Variants in ATP6V1H observed in about 807,000 individuals in gnomAD.
The protein encoded by ATP6V1H is ATPase H+ transporting V1 subunit H.
In ATP6V1H, 39 loss-of-function variants were observed where a neutral mutation model predicts 71.7. The ratio of observed to expected loss-of-function variants is 0.54; its 90% confidence interval spans 0.42 to 0.71. The LOEUF is 0.71. Ranked by LOEUF, ATP6V1H falls within the 30% of genes least tolerant of loss-of-function variation. The pLI, the probability that ATP6V1H is intolerant of heterozygous loss-of-function variation, is 0.00. For missense variants in ATP6V1H, 509 were observed against 594.9 expected, an observed-to-expected ratio of 0.86 and a Z score of 1.50; for synonymous variants, 192 against 199.3, an observed-to-expected ratio of 0.96 and a Z score of 0.31.
At chr8:53,748,352 T>C (rs1807680162) in intron 12 of ATP6V1H, among the ~76,000 whole-genome samples, 1 of 152,204 alleles carries the variant, frequency 6.6e-6, no homozygotes, top group Non-Finnish European at 1.5e-5. Flanking sequence ...TATTCCTATA[T>C]ACTGCCAGGG....
rs1300571658 is a variant in ATP6V1H at position 53,831,168 on chromosome 8, A to C, written c.217-1635T>G. Among the ~76,000 whole-genome samples the C allele has an allele frequency of 4.6e-5, 7 of 152,222 alleles. No homozygotes were observed. In the East Asian group the frequency reaches 1.3e-3, roughly 29 times the overall value. Reference sequence around the variant, plus strand: ...ACATACAGCCATGTGTCACTTAACAATGGGGAAAGTTCTGAGAAATTCATC... The same window carrying C: ...ACATACAGCCATGTGTCACTTAACACTGGGGAAAGTTCTGAGAAATTCATC... On this transcript the variant is annotated intron_variant, in intron 3 of 13. Coordinates refer to ENST00000359530, the MANE Select transcript of ATP6V1H (RefSeq NM_015941.4).
intron 9 of ATP6V1H, among the ~76,000 whole-genome samples, chr8:53,773,584 A>T (rs1251027985): frequency 1.3e-5 from 2 of 152,192 alleles, no homozygotes; most frequent in African/African-American, 4.8e-5. Context: ...AAAAGCCAAA[A>T]ATAGTCTTTC....
Position 53,819,547 on chromosome 8 carries a change from CATATATATATATAT to C in ATP6V1H, c.307-2031_307-2018del, listed in dbSNP as rs34645455. On this transcript the variant is annotated intron_variant, in intron 4 of 13. Transcript: ENST00000359530. Reference sequence around the variant, plus strand: ...AATCTATCTCAAAAAAAAAAAAAAGCATATATATATATATATATATATATATATATATATATATA... The same window carrying C: ...AATCTATCTCAAAAAAAAAAAAAAGCATATATATATATATATATATATATA... Among the ~76,000 whole-genome samples, 162 of 35,132 alleles carry C rather than the reference CATATATATATATAT, an allele frequency of 4.6e-3. 3 individuals are homozygous for C. Among genetic ancestry groups the C allele is most frequent in the South Asian group, 0.022 (14 of 628 alleles). The allele number at this position is 35,132 out of a possible 152,430, so 23.0% of individuals were successfully genotyped here. A position where few individuals can be genotyped will look rare whatever the true frequency, so the allele number is the denominator to read the frequency against.
intron 13 of ATP6V1H, among the ~76,000 whole-genome samples, chr8:53,738,727 A>T (rs1212938026): frequency 1.3e-5 from 2 of 152,212 alleles, no homozygotes; most frequent in Non-Finnish European, 2.9e-5. Context: ...TTAGGCTGAT[A>T]CTTTGCAACA....
chr8:53,725,382 A>G (rs756076777), intron 13 of ATP6V1H, among the ~76,000 whole-genome samples: 20 of 152,092 alleles, frequency 1.3e-4, no homozygotes, highest in Non-Finnish European at 2.6e-4. Context: ...CTCAAACTCC[A>G]TAACTGTAAG....
At chr8:53,781,227 G>A (rs1431749418) in intron 9 of ATP6V1H, among the ~76,000 whole-genome samples, 6 of 152,022 alleles carry the variant, frequency 3.9e-5, no homozygotes, top group Non-Finnish European at 8.8e-5. Context: ...TTTAATAATC[G>A]CCATTCTAAC....
intron 4 of ATP6V1H, among the ~76,000 whole-genome samples, chr8:53,819,547 C>T (rs1475385926): frequency 8.5e-5 from 3 of 35,132 alleles, no homozygotes; most frequent in Admixed American, 4.9e-4. Context: ...AAAAAAAAAG[C>T]ATATATATAT....
At chr8:53,795,905 TTC>T in intron 8 of ATP6V1H, 66 bp from the exon 9 acceptor site, 2 of 1,445,776 alleles carry the variant, frequency 1.4e-6, no homozygotes, top group Non-Finnish European at 1.9e-6. Context: ...TAAGCAATTA[TTC>T]TCTTTTTGCA....
chr8:53,787,106 C>T (rs1809412244), intron 9 of ATP6V1H, among the ~76,000 whole-genome samples: 1 of 152,192 alleles, frequency 6.6e-6, no homozygotes, highest in Admixed American at 6.5e-5. Context: ...TTATCCATTG[C>T]AGGTTACTAA....
rs537809266 is a variant in ATP6V1H, at chr8:53,790,155, A to G, written c.870+5492T>C. On this transcript the variant is annotated intron_variant, in intron 9 of 13. Coordinates refer to ENST00000359530, the MANE Select transcript of ATP6V1H (RefSeq NM_015941.4). Reference sequence around the variant, plus strand: ...TTTCTGTTATATGTTCATCTAATTAAGTAAACATGTTTTTACTTCTCTCTT... The same window carrying G: ...TTTCTGTTATATGTTCATCTAATTAGGTAAACATGTTTTTACTTCTCTCTT... Among the ~76,000 whole-genome samples the G allele has an allele frequency of 7.2e-5, 11 of 152,354 alleles. No homozygotes were observed. In the East Asian group the frequency reaches 1.9e-3, roughly 27 times the overall value.
Position 53,728,602 on chromosome 8 carries a change from C to T in ATP6V1H, c.1392-12578G>A, listed in dbSNP as rs370855045. ...TAGGCAACAGAATTCCATGCAGATCCCCTGCTTTGTCCCTTCTGGCAACGC... is the reference window on the plus strand; with the variant it reads ...TAGGCAACAGAATTCCATGCAGATCTCCTGCTTTGTCCCTTCTGGCAACGC... On this transcript the variant is annotated intron_variant, in intron 13 of 13. Transcript: ENST00000359530. Among the ~76,000 whole-genome samples, 44 of 152,238 alleles carry T rather than the reference C, an allele frequency of 2.9e-4. 2 individuals are homozygous for T. The highest frequency in any genetic ancestry group is 9.4e-4 in the African/African-American group (39 of 41,526).
intron 13 of ATP6V1H, among the ~76,000 whole-genome samples, chr8:53,722,664 T>C (rs975671930): frequency 8.5e-5 from 13 of 152,102 alleles, no homozygotes; most frequent in African/African-American, 3.1e-4. Flanking sequence ...AAGAAATCGA[T>C]GATTGTTGAA....
intron 12 of ATP6V1H, among the ~76,000 whole-genome samples, chr8:53,744,073 A>G (rs538749885): frequency 6.6e-6 from 1 of 152,288 alleles, no homozygotes; most frequent in South Asian, 2.1e-4. Flanking sequence ...TTTCATAACA[A>G]CATACAATCA....
At chr8:53,837,733 T>A (rs1224191439) in intron 2 of ATP6V1H, among the ~76,000 whole-genome samples, 1 of 151,994 alleles carries the variant, frequency 6.6e-6, no homozygotes, top group Admixed American at 6.6e-5. Context: ...CGCAGTTCTG[T>A]GAAGAATTGC....
rs138426211 is a variant in ATP6V1H at position 53,742,718 on chromosome 8, T to C, written c.1391+859A>G. Among the ~76,000 whole-genome samples, 731 of 152,300 alleles carry C rather than the reference T, an allele frequency of 4.8e-3. 7 individuals are homozygous for C. Among genetic ancestry groups the C allele is most frequent in the African/African-American group, 0.016 (673 of 41,566 alleles). On this transcript the variant is annotated intron_variant, in intron 13 of 13. Coordinates refer to ENST00000359530, the MANE Select transcript of ATP6V1H (RefSeq NM_015941.4). ...GATACCACAGCAGTACTCCTGGATA[T>C]TCTCCTACACTGTATGTGCCTGCAT...
intron 5 of ATP6V1H, among the ~76,000 whole-genome samples, chr8:53,816,093 G>C (rs895748912): frequency 3.9e-5 from 6 of 152,048 alleles, no homozygotes; most frequent in Non-Finnish European, 8.8e-5. Flanking sequence ...TTTTTGAAAA[G>C]TATTCTTTAA....
chr8:53,738,610 C>T (rs1249747467), intron 13 of ATP6V1H, among the ~76,000 whole-genome samples: 2 of 152,162 alleles, frequency 1.3e-5, no homozygotes, highest in African/African-American at 4.8e-5. Flanking sequence ...ATGTGTGAAA[C>T]CTGTAATTGA....
intron 5 of ATP6V1H, 54 bp downstream of exon 5, chr8:53,817,363 C>A: frequency 8.2e-7 from 1 of 1,223,410 alleles, no homozygotes; most frequent in Non-Finnish European, 1.2e-6. Flanking sequence ...CATAGTGAGA[C>A]CCTCTCTCTT....
At chr8:53,765,703 C>T (rs1256941888) in intron 11 of ATP6V1H, among the ~76,000 whole-genome samples, 2 of 152,142 alleles carry the variant, frequency 1.3e-5, no homozygotes, top group South Asian at 2.1e-4. Context: ...ATCAACTGTT[C>T]CCAACTTGAT....
Sources: allele counts gnomAD v4.1 joint callset (sites outside exome capture counted in the v4.1 genomes callset), GRCh38; gene constraint gnomAD v4.1.1; transcripts MANE v1.5; gene names NCBI Gene and HGNC (gene_info 2026-07-23, HGNC 2026-07-21).